Variants in GFRA1 observed in about 807,000 individuals in gnomAD.
GFRA1 encodes GDNF family receptor alpha-1.
In GFRA1, 16 loss-of-function variants were observed where a neutral mutation model predicts 51.6. The ratio of observed to expected loss-of-function variants is 0.31; its 90% CI spans 0.21 to 0.47. GFRA1 has a LOEUF of 0.47. Among genes scored for constraint, GFRA1 ranks in the 20% least tolerant of loss-of-function variants. The pLI, the probability that GFRA1 is intolerant of heterozygous loss-of-function variation, is 1.00. For missense variants in GFRA1, 530 were observed against 594.3 expected, an observed-to-expected ratio of 0.89 and a Z score of 1.13; for synonymous variants, 270 against 241.3, an observed-to-expected ratio of 1.12 and a Z score of -1.10.
chr10:116,175,007 G>A (rs1961443117), intron 5 of GFRA1, among the ~76,000 whole-genome samples: 1 of 152,148 alleles, frequency 6.6e-6, no homozygotes, highest in Non-Finnish European at 1.5e-5. Flanking sequence ...AGGGGCAGGT[G>A]CACAGTCCTT....
chr10:116,191,366 A>C (rs1963250623), intron 5 of GFRA1, among the ~76,000 whole-genome samples: 1 of 152,212 alleles, frequency 6.6e-6, no homozygotes, highest in Non-Finnish European at 1.5e-5. Flanking sequence ...TATGTTGCCA[A>C]ATAAGAAGCA....
At chr10:116,157,080 A>G (rs748481712) in intron 5 of GFRA1, among the ~76,000 whole-genome samples, 1 of 152,206 alleles carries the variant, frequency 6.6e-6, no homozygotes, top group Non-Finnish European at 1.5e-5. Flanking sequence ...GAATAAGGTA[A>G]GAACTCCGTG....
chr10:116,137,361 T>G (rs1323274538), intron 5 of GFRA1, among the ~76,000 whole-genome samples: 1 of 152,248 alleles, frequency 6.6e-6, no homozygotes, highest in East Asian at 1.9e-4. Context: ...GCCCTCACAG[T>G]GCGGATTTCA....
At chr10:116,194,049 AATAAATAAATAAAATTT>A (rs1286502426) in intron 5 of GFRA1, among the ~76,000 whole-genome samples, 2 of 101,294 alleles carry the variant, frequency 2.0e-5, no homozygotes, top group South Asian at 4.2e-4. Context: ...AATAAAAAAA[AATAAATAAATAAAATTT>A]AAAAAAAAAA....
At chr10:116,086,141 C>T (rs1956090594) in intron 9 of GFRA1, among the ~76,000 whole-genome samples, 1 of 152,172 alleles carries the variant, frequency 6.6e-6, no homozygotes, top group South Asian at 2.1e-4. Flanking sequence ...AGGATGTCTG[C>T]CACACCTGAG....
intron 6 of GFRA1, among the ~76,000 whole-genome samples, chr10:116,111,806 C>T (rs890747195): frequency 1.3e-5 from 2 of 152,204 alleles, no homozygotes; most frequent in African/African-American, 4.8e-5. Flanking sequence ...GAAAACAAAT[C>T]CCAACACAGG....
chr10:116,213,553 C>T (rs1965353221), intron 4 of GFRA1, among the ~76,000 whole-genome samples: 1 of 152,202 alleles, frequency 6.6e-6, no homozygotes, highest in Non-Finnish European at 1.5e-5. Flanking sequence ...CTTACATTTA[C>T]AACCCAAATT....
intron 9 of GFRA1, among the ~76,000 whole-genome samples, chr10:116,079,465 GC>G (rs1955757234): frequency 6.6e-6 from 1 of 150,524 alleles, no homozygotes; most frequent in African/African-American, 2.5e-5. Flanking sequence ...ATTCTCAAAA[GC>G]CCCCATTTTC....
intron 5 of GFRA1, among the ~76,000 whole-genome samples, chr10:116,208,876 G>T (rs182807748): frequency 5.9e-5 from 9 of 152,294 alleles, no homozygotes; most frequent in Non-Finnish European, 1.0e-4. Context: ...AGACACACAT[G>T]CACATACAGA....
intron 8 of GFRA1, among the ~76,000 whole-genome samples, chr10:116,091,726 C>T (rs1956344130): frequency 6.6e-6 from 1 of 152,234 alleles, no homozygotes; most frequent in African/African-American, 2.4e-5. Context: ...CTGGAATCTA[C>T]AAATTGCAAT....
chr10:116,205,137 C>T (rs1366170381), intron 5 of GFRA1, among the ~76,000 whole-genome samples: 1 of 152,170 alleles, frequency 6.6e-6, no homozygotes, highest in Non-Finnish European at 1.5e-5. Context: ...TTAATGCTGT[C>T]ATTGACTGAA....
intron 5 of GFRA1, among the ~76,000 whole-genome samples, chr10:116,183,722 C>CT (rs1334732575): frequency 6.6e-6 from 1 of 152,220 alleles, no homozygotes; most frequent in Non-Finnish European, 1.5e-5. Flanking sequence ...CTCTTGCTCA[C>CT]TCACCTACTC....
chr10:116,116,325 G>C lies in GFRA1; in HGVS notation c.770+8896C>G, dbSNP rs184684621. Among the ~76,000 whole-genome samples the C allele has an allele frequency of 2.0e-4, 30 of 152,376 alleles. No individual in the cohort carries two copies. In the East Asian group the frequency reaches 4.0e-3, roughly 21 times the overall value. ...ATGGCCACAAGCCAGGGAGAAGGCA[G>C]GAAGGTGAAACACCTGGATGACCCC... On this transcript the variant is annotated intron_variant, in intron 6 of 10. Transcript: ENST00000355422.
intron 4 of GFRA1, among the ~76,000 whole-genome samples, chr10:116,267,471 TCAAA>T (rs767047076): frequency 2.0e-5 from 3 of 148,354 alleles, no homozygotes; most frequent in African/African-American, 7.3e-5. Flanking sequence ...AGACTTCGTC[TCAAA>T]CAAACAAACA....
At chr10:116,148,079 T>TGTGTGCATGA (rs1958902135) in intron 5 of GFRA1, among the ~76,000 whole-genome samples, 1 of 66,896 alleles carries the variant, frequency 1.5e-5, no homozygotes, top group African/African-American at 5.7e-5. Context: ...TGTGTGCATG[T>TGTGTGCATGA]GTGTGTGTGC....
intron 5 of GFRA1, among the ~76,000 whole-genome samples, chr10:116,154,438 T>C (rs965423667): frequency 2.0e-5 from 3 of 152,232 alleles, no homozygotes; most frequent in East Asian, 1.9e-4. Flanking sequence ...TGAACTCATG[T>C]TGGGCAAAAG....
rs1962755617 is a variant in GFRA1 at position 116,186,698 on chromosome 10, A to G, written c.433+24933T>C. 3.3e-5 allele frequency among the ~76,000 whole-genome samples: 5 copies of G among 152,184 alleles called. No individual in the cohort carries two copies. In the South Asian group the frequency reaches 1.0e-3, roughly 32 times the overall value. On this transcript the variant is annotated intron_variant, in intron 5 of 10. Transcript: ENST00000355422. The stretch of plus-strand genomic sequence containing the variant: ...ATGTTCATTTTAAGTGCCATTTATC[A>G]TCTGCTTAATTAATCACAAGCAAAC...
chr10:116,192,904 T>C (rs908182959), intron 5 of GFRA1, among the ~76,000 whole-genome samples: 1 of 152,120 alleles, frequency 6.6e-6, no homozygotes, highest in Admixed American at 6.5e-5. Flanking sequence ...TTTCTATACT[T>C]TATGCTTCCT....
chr10:116,274,165 C>A (rs1844135092), upstream of GFRA1, among the ~76,000 whole-genome samples: 1 of 151,244 alleles, frequency 6.6e-6, no homozygotes. Flanking sequence ...CTGCTCACCC[C>A]CCGCCCCCCA....
Sources: gnomAD v4.1 joint callset for allele counts (sites outside exome capture counted in the v4.1 genomes callset) on GRCh38, gnomAD v4.1.1 for gene constraint, MANE v1.5 for transcripts, NCBI Gene and HGNC (gene_info 2026-07-23, HGNC 2026-07-21) for gene names.